Variants in DYNC2H1 observed in about 807,000 individuals in gnomAD.
The protein encoded by DYNC2H1 is dynein cytoplasmic 2 heavy chain 1, also known as cytoplasmic dynein 2 heavy chain 1.
A neutral mutation model predicts 570.0 loss-of-function variants in DYNC2H1; 410 were observed. The observed-to-expected ratio is 0.72, with a 90% CI of 0.66 to 0.78. DYNC2H1 has a LOEUF of 0.78. Among genes scored for constraint, DYNC2H1 ranks in the 30% least tolerant of loss-of-function variants. DYNC2H1 has a pLI of 0.00. For missense variants in DYNC2H1, 4,865 were observed against 5,046.4 expected (o/e 0.96, Z 1.09); for synonymous variants, 1,688 against 1,677.6 (o/e 1.01, Z -0.15).
chr11:103,255,460 C>G lies in DYNC2H1; in HGVS notation c.10252C>G (p.Gln3418Glu), dbSNP rs543525711. Residue 3418 changes from glutamine (Q) to glutamate (E), a missense_variant, in exon 67 of 89, where the codon CAG becomes GAG. Transcript: ENST00000375735. ...GCATGAGAAACCTGATTTAGAAGAACAGAAAACAAAACTATTACAACAGGA... is the reference window on the plus strand; with the variant it reads ...GCATGAGAAACCTGATTTAGAAGAAGAGAAAACAAAACTATTACAACAGGA... ...IQHEKPDLEE[Q>E]KTKLLQQEED... The G allele has an allele frequency of 2.4e-5, 38 of 1,568,780 alleles. No homozygotes were observed. The South Asian group carries it at 4.1e-4, about 17-fold the overall frequency.
intron 36 of DYNC2H1, among the ~76,000 whole-genome samples, chr11:103,174,767 A>T (rs1033702710): frequency 2.6e-5 from 4 of 152,048 alleles, no homozygotes; most frequent in Non-Finnish European, 4.4e-5. Flanking sequence ...ATATGACATC[A>T]CTAGTTATGT....
chr11:103,127,579 A>G lies in DYNC2H1; in HGVS notation c.1858-1331A>G, dbSNP rs2134744490. 1.3e-5 allele frequency among the ~76,000 whole-genome samples: 2 copies of G among 152,338 alleles called. 1 individual carries two copies. Among genetic ancestry groups the G allele is most frequent in the South Asian group, 4.1e-4 (2 of 4,824 alleles). On this transcript the variant is annotated intron_variant, in intron 12 of 88. Coordinates refer to ENST00000375735, the MANE Select transcript of DYNC2H1 (RefSeq NM_001377.3). ...ATTAGTTAAGAAATATTTTTAAAGC[A>G]TCTACTATGTGCCAAGAATTTTGTG...
chr11:103,392,766 GAA>G (rs367942270), intron 83 of DYNC2H1, among the ~76,000 whole-genome samples: 7 of 143,520 alleles, frequency 4.9e-5, no homozygotes, highest in Admixed American at 2.1e-4. Flanking sequence ...GTCAATTTTG[GAA>G]AAAAAAAAAG....
chr11:103,256,075 A>G lies in DYNC2H1; in HGVS notation c.10327-31A>G, dbSNP rs901589574. On this transcript the variant is annotated intron_variant, in intron 67 of 88. Coordinates refer to ENST00000375735, the MANE Select transcript of DYNC2H1 (RefSeq NM_001377.3). The surrounding 1 kb of genome is among the most constrained non-coding windows in gnomAD (Gnocchi z 4.0). ...TTAATTGGTTATTTTTATATGTATA[A>G]TAATATTCATATTGTTAACTTTCCC... 1.9e-6 allele frequency: 3 copies of G among 1,543,552 alleles called. No homozygotes were observed. The highest frequency in any genetic ancestry group is 3.8e-5 in the Admixed American group (2 of 53,240).
chr11:103,142,419 T>A (rs1421700197), intron 17 of DYNC2H1, among the ~76,000 whole-genome samples: 1 of 152,130 alleles, frequency 6.6e-6, no homozygotes, highest in Non-Finnish European at 1.5e-5. Context: ...CCTGTAATCC[T>A]GGCACTTTGG....
intron 59 of DYNC2H1, among the ~76,000 whole-genome samples, chr11:103,230,471 A>T (rs1166118470): frequency 1.3e-5 from 2 of 152,182 alleles, no homozygotes. Flanking sequence ...ATAGAGGTTG[A>T]TGGAGATGAG....
intron 40 of DYNC2H1, among the ~76,000 whole-genome samples, chr11:103,183,886 A>G (rs1240932202): frequency 2.0e-5 from 3 of 151,920 alleles, no homozygotes; most frequent in Non-Finnish European, 4.4e-5. Context: ...ATTTTACTCT[A>G]TTATAAAAAA....
intron 84 of DYNC2H1, among the ~76,000 whole-genome samples, chr11:103,434,424 CTTTT>C (rs3989922): frequency 2.1e-5 from 3 of 144,622 alleles, no homozygotes; most frequent in East Asian, 2.0e-4. Context: ...TTTTTCCTTC[CTTTT>C]TTTTTTTTTT....
chr11:103,248,733 G>T (rs1379341048), intron 65 of DYNC2H1, among the ~76,000 whole-genome samples: 8 of 151,952 alleles, frequency 5.3e-5, no homozygotes, highest in Admixed American at 5.3e-4. Flanking sequence ...TGTAAATATT[G>T]ATAGGATTTG....
rs374845494 is a variant in DYNC2H1 at position 103,187,630 on chromosome 11, T to G, written c.7140+44T>G. ...AGTGTTTTAATCTAATTGGAAACAA[T>G]TTAATTTCATTAACTTTTCTTAGAA... On this transcript the variant is annotated intron_variant, in intron 43 of 88. Transcript: ENST00000375735. 2.5e-6 allele frequency: 4 copies of G among 1,584,446 alleles called. No individual in the cohort carries two copies. The African/African-American group carries it at 5.5e-5, about 22-fold the overall frequency.
intron 54 of DYNC2H1, among the ~76,000 whole-genome samples, chr11:103,212,495 A>G (rs1435389358): frequency 1.3e-5 from 2 of 152,122 alleles, no homozygotes; most frequent in Non-Finnish European, 2.9e-5. Flanking sequence ...TAACTGAAAC[A>G]TAATATCCAA....
chr11:103,472,701 G>A lies in DYNC2H1; in HGVS notation c.12765+3996G>A, dbSNP rs754598477. Among the ~76,000 whole-genome samples the A allele has an allele frequency of 4.0e-4, 61 of 151,964 alleles. No individual in the cohort carries two copies. Among genetic ancestry groups the A allele is most frequent in the Non-Finnish European group, 7.2e-4 (49 of 67,956 alleles). ...AGGTGTTTCAAATACAAGATATTAA[G>A]CTTTAAAAAAAATTTTGAAATAGGA... On this transcript the variant is annotated intron_variant, in intron 88 of 88. Coordinates refer to ENST00000375735, the MANE Select transcript of DYNC2H1 (RefSeq NM_001377.3). The surrounding 1 kb of genome is among the most constrained non-coding windows in gnomAD (Gnocchi z 4.1).
In DYNC2H1 at chr11:103,261,442, G is replaced by A. The variant is rs1865280644; in HGVS notation, c.10695+1465G>A. Among the ~76,000 whole-genome samples the A allele has an allele frequency of 6.6e-6, 1 of 152,062 alleles. No homozygotes were observed. The highest frequency in any genetic ancestry group is 2.1e-4 in the South Asian group (1 of 4,832). The stretch of plus-strand genomic sequence containing the variant: ...AGGGGTCGACAGACATCTCATATAG[G>A]AGCACTGCAGCTGGCATCTGGTGCG... On this transcript the variant is annotated intron_variant, in intron 70 of 88. Coordinates refer to ENST00000375735, the MANE Select transcript of DYNC2H1 (RefSeq NM_001377.3). This position sits in a 1 kb window ranked among gnomAD's most constrained non-coding sequence, Gnocchi z 4.8.
chr11:103,468,973 T>C (rs1193437853), intron 88 of DYNC2H1, among the ~76,000 whole-genome samples: 1 of 152,010 alleles, frequency 6.6e-6, no homozygotes, highest in Non-Finnish European at 1.5e-5. Context: ...CCTTTAATGA[T>C]AATAAGAACT....
intron 88 of DYNC2H1, among the ~76,000 whole-genome samples, chr11:103,473,842 G>A (rs1301326335): frequency 6.6e-6 from 1 of 152,150 alleles, no homozygotes; most frequent in Admixed American, 6.5e-5. Flanking sequence ...AACCCATGAG[G>A]CTGGATCTTC....
intron 17 of DYNC2H1, among the ~76,000 whole-genome samples, chr11:103,139,733 A>T (rs372740053): frequency 1.3e-5 from 2 of 151,840 alleles, no homozygotes; most frequent in Non-Finnish European, 2.9e-5. Flanking sequence ...TATTAGGTCC[A>T]CTTGGTGCAG....
intron 75 of DYNC2H1, among the ~76,000 whole-genome samples, chr11:103,298,267 C>T (rs928103492): frequency 1.3e-5 from 2 of 152,080 alleles, no homozygotes; most frequent in African/African-American, 4.8e-5. Flanking sequence ...TTTGCACTTG[C>T]TGTTCCTATT....
At chr11:103,455,331 G>C in intron 86 of DYNC2H1, 36 bp downstream of exon 86, 2 of 1,575,064 alleles carry the variant, frequency 1.3e-6, no homozygotes, top group Non-Finnish European at 1.7e-6. Flanking sequence ...ATTTGTCCCT[G>C]ACGGTAATTA....
intron 78 of DYNC2H1, 51 bp downstream of exon 78, chr11:103,307,882 T>C: frequency 9.4e-7 from 1 of 1,069,128 alleles, no homozygotes. Context: ...CAGTACTCTA[T>C]ACATGACTTC....
Sources: gnomAD v4.1 joint callset for allele counts (sites outside exome capture counted in the v4.1 genomes callset) on GRCh38, gnomAD v4.1.1 for gene constraint, Gnocchi (gnomAD v3.1) non-coding constraint, MANE v1.5 for transcripts, NCBI Gene and HGNC (gene_info 2026-07-23, HGNC 2026-07-21) for gene names.